The following PCDHGB1 variants were observed in gnomAD, a reference collection of about 807,000 sequenced individuals.
The protein encoded by PCDHGB1 is protocadherin gamma-B1.
A neutral mutation model predicts 56.6 loss-of-function variants in PCDHGB1; 34 were observed. The ratio of observed to expected loss-of-function variants is 0.60; its 90% CI spans 0.46 to 0.80. The LOEUF is 0.80. Ranked by LOEUF, PCDHGB1 falls within the 30% of genes least tolerant of loss-of-function variation. The pLI, the probability that PCDHGB1 is intolerant of heterozygous loss-of-function variation, is 0.00. For synonymous variants in PCDHGB1, 561 were observed against 505.9 expected (o/e 1.11, Z -1.46); for missense variants, 1,278 against 1,204.6 (o/e 1.06, Z -0.90).
chr5:141,370,747 A>T (rs780618979), intron 1 of PCDHGB1: 2 of 1,613,952 alleles, frequency 1.2e-6, no homozygotes, highest in Non-Finnish European at 1.7e-6. Flanking sequence ...AACTTTTTTC[A>T]TGTAACTGTG....
chr5:141,498,437 G>C (rs996627716), intron 2 of PCDHGB1, among the ~76,000 whole-genome samples: 1 of 152,170 alleles, frequency 6.6e-6, no homozygotes, highest in Non-Finnish European at 1.5e-5. Flanking sequence ...GGGATGAAGA[G>C]GAGAGGTTCC....
At position 141,450,045 on chromosome 5, in the gene PCDHGB1, C is replaced by T. The variant is rs369046547; in HGVS notation, c.2410-44762C>T. On this transcript the variant is annotated intron_variant, in intron 1 of 3. Transcript: ENST00000523390. Reference sequence around the variant, plus strand: ...TTTTTGAGACAGGGTCTCACTCTTTCGCCCAGGCTGGAATGCAGTGGTATG... The same window carrying T: ...TTTTTGAGACAGGGTCTCACTCTTTTGCCCAGGCTGGAATGCAGTGGTATG... 4.6e-5 allele frequency among the ~76,000 whole-genome samples: 6 copies of T among 129,508 alleles called. No individual in the cohort carries two copies. In the South Asian group the frequency reaches 9.6e-4, roughly 21 times the overall value. 85.0% of individuals were successfully genotyped at this position (129,508 alleles called of 152,430 possible).
chr5:141,353,687 C>T (rs555307178), intron 1 of PCDHGB1, among the ~76,000 whole-genome samples: 3 of 152,224 alleles, frequency 2.0e-5, no homozygotes, highest in South Asian at 2.1e-4. Context: ...GTTTATAAAG[C>T]GTTTTCCATA....
At chr5:141,507,531 C>T (rs1467914007) in intron 3 of PCDHGB1, among the ~76,000 whole-genome samples, 3 of 151,964 alleles carry the variant, frequency 2.0e-5, no homozygotes, top group African/African-American at 7.2e-5. Flanking sequence ...CCAGAGAGGC[C>T]AGAGACTGAG....
chr5:141,442,751 T>G (rs756672976), intron 1 of PCDHGB1, among the ~76,000 whole-genome samples: 1 of 152,196 alleles, frequency 6.6e-6, no homozygotes, highest in Non-Finnish European at 1.5e-5. Context: ...CATGTTTTGA[T>G]TATATATATT....
In PCDHGB1 at chr5:141,511,367, G is replaced by A. The variant is rs563286583; in HGVS notation, c.*194G>A. ...CCTTCCCCCCCAGGGGGTTGAATAT[G>A]CAAAAGCAGTTCCGCTGGGAACCCC... On this transcript the variant is annotated 3_prime_UTR_variant, in exon 4 of 4. Coordinates refer to ENST00000523390, the MANE Select transcript of PCDHGB1 (RefSeq NM_018922.3). 2.3e-6 allele frequency: 3 copies of A among 1,299,952 alleles called. No individual in the cohort carries two copies. Among genetic ancestry groups the A allele is most frequent in the Non-Finnish European group, 3.1e-6 (3 of 967,442 alleles). 80.5% of individuals were successfully genotyped at this position (1,299,952 alleles called of 1,614,324 possible).
At chr5:141,401,128 G>A (rs1271194736) in intron 1 of PCDHGB1, among the ~76,000 whole-genome samples, 3 of 152,166 alleles carry the variant, frequency 2.0e-5, no homozygotes, top group Non-Finnish European at 4.4e-5. Context: ...TGGATCACAT[G>A]GTCAGGAGTT....
At chr5:141,358,893 T>C (rs1192445268) in intron 1 of PCDHGB1, among the ~76,000 whole-genome samples, 1 of 152,250 alleles carries the variant, frequency 6.6e-6, no homozygotes, top group African/African-American at 2.4e-5. Flanking sequence ...GGGATTATTT[T>C]ATATGAGGGA....
intron 1 of PCDHGB1, chr5:141,419,094 G>A (rs1241481126): frequency 2.5e-6 from 4 of 1,613,776 alleles, no homozygotes; most frequent in South Asian, 1.1e-5. Flanking sequence ...GCCCTGGATC[G>A]GGAGCAGACC....
chr5:141,490,565 T>C lies in PCDHGB1; in HGVS notation c.2410-4242T>C. ...CTACACAAACATCTCACCATCAGGC[T>C]CAACATTTCAGATGTCAATGACAAT... On this transcript the variant is annotated intron_variant, in intron 1 of 3. Coordinates refer to ENST00000523390, the MANE Select transcript of PCDHGB1 (RefSeq NM_018922.3). This position sits in a 1 kb window ranked among gnomAD's most constrained non-coding sequence, Gnocchi z 5.4. 8 of 1,614,116 alleles carry C rather than the reference T, an allele frequency of 5.0e-6. No individual in the cohort carries two copies. Among genetic ancestry groups the C allele is most frequent in the Non-Finnish European group, 6.8e-6 (8 of 1,180,024 alleles).
chr5:141,383,620 G>C, intron 1 of PCDHGB1: 1 of 1,613,872 alleles, frequency 6.2e-7, no homozygotes, highest in Middle Eastern at 1.6e-4. Flanking sequence ...CCACACGCCT[G>C]TCTTCTCTCT....
At chr5:141,430,752 A>C (rs772436100) in intron 1 of PCDHGB1, 1 of 1,501,400 alleles carries the variant, frequency 6.7e-7, no homozygotes, top group East Asian at 2.3e-5. Context: ...TTCTGGAGGA[A>C]GATAAGAATG....
chr5:141,423,603 C>G, intron 1 of PCDHGB1: 1 of 1,612,584 alleles, frequency 6.2e-7, no homozygotes. Flanking sequence ...GCGAGCCACT[C>G]TTGATAGCTG....
At chr5:141,494,171 G>A (rs72790068) in intron 1 of PCDHGB1, among the ~76,000 whole-genome samples, 9,520 of 152,240 alleles carry the variant, frequency 0.063, 348 homozygotes, top group South Asian at 0.11. Flanking sequence ...TTCTAGGGGT[G>A]AGAAGTGTCC....
Position 141,432,211 on chromosome 5 carries a change from C to A in PCDHGB1, c.2410-62596C>A, listed in dbSNP as rs1390215329. On this transcript the variant is annotated intron_variant, in intron 1 of 3. Coordinates refer to ENST00000523390, the MANE Select transcript of PCDHGB1 (RefSeq NM_018922.3). The surrounding 1 kb of genome is among the most constrained non-coding windows in gnomAD (Gnocchi z 6.0). The stretch of plus-strand genomic sequence containing the variant: ...CCCACGACCCCGACTGTGAAGAGAA[C>A]GCCCAGATCACTTATTCCCTGGCTG... 1 of 1,614,232 alleles carries A rather than the reference C, an allele frequency of 6.2e-7. No individual in the cohort carries two copies. Among genetic ancestry groups the A allele is most frequent in the Admixed American group, 1.7e-5 (1 of 60,032 alleles).
intron 1 of PCDHGB1, among the ~76,000 whole-genome samples, chr5:141,353,952 A>G (rs1759424640): frequency 6.6e-6 from 1 of 152,214 alleles, no homozygotes; most frequent in Admixed American, 6.5e-5. Flanking sequence ...TAAGTGAGGA[A>G]TAAGCTTAAG....
chr5:141,395,463 C>A, intron 1 of PCDHGB1: 1 of 582,522 alleles, frequency 1.7e-6, no homozygotes, highest in Non-Finnish European at 2.9e-6. Flanking sequence ...CCATTTTAAG[C>A]CTTCCAGTAT....
chr5:141,354,185 T>C (rs943289556), intron 1 of PCDHGB1, among the ~76,000 whole-genome samples: 2 of 152,268 alleles, frequency 1.3e-5, no homozygotes, highest in African/African-American at 2.4e-5. Context: ...ATCTGCACTT[T>C]ATAGTTATTC....
intron 1 of PCDHGB1, chr5:141,421,591 G>T: frequency 6.2e-7 from 1 of 1,613,874 alleles, no homozygotes; most frequent in Non-Finnish European, 8.5e-7. Context: ...CGGAGTGGAG[G>T]TGGAAATAAT....
Sources: allele counts gnomAD v4.1 joint callset (sites outside exome capture counted in the v4.1 genomes callset), GRCh38; gene constraint gnomAD v4.1.1; non-coding constraint Gnocchi (gnomAD v3.1); transcripts MANE v1.5; gene names NCBI Gene and HGNC (gene_info 2026-07-23, HGNC 2026-07-21).